Variants in SNRPN observed in about 807,000 individuals in gnomAD.
SNRPN encodes the protein small nuclear ribonucleoprotein-associated protein N.
Under a neutral mutation model 25.2 loss-of-function variants are expected in SNRPN, and 7 were observed. The ratio of observed to expected loss-of-function variants is 0.28; its 90% confidence interval spans 0.16 to 0.52. The LOEUF is 0.52. Ranked by LOEUF, SNRPN falls within the 20% of genes least tolerant of loss-of-function variation. The probability of loss-of-function intolerance (pLI) is 0.96; values close to 1 mark genes in which losing one functional copy is unlikely to be tolerated. For synonymous variants in SNRPN, 124 were observed against 110.6 expected, an observed-to-expected ratio of 1.12 and a Z score of -0.76; for missense variants, 196 against 322.5, an observed-to-expected ratio of 0.61 and a Z score of 3.00.
intron 3 of SNRPN, among the ~76,000 whole-genome samples, chr15:24,973,026 T>C (rs2076626529): frequency 6.6e-6 from 1 of 152,130 alleles, no homozygotes; most frequent in Admixed American, 6.5e-5. Flanking sequence ...TAGCTGGGAT[T>C]ACAGGCGCCT....
At chr15:24,890,688 A>G (rs930673817) in intron 2 of SNRPN, among the ~76,000 whole-genome samples, 1 of 152,106 alleles carries the variant, frequency 6.6e-6, no homozygotes, top group Non-Finnish European at 1.5e-5. Context: ...CAAAAAACAA[A>G]AACAAAAACA....
intron 2 of SNRPN, chr15:24,848,258 G>GGCGGGGGCGGGGGCGGC (rs2052416197): frequency 8.1e-6 from 1 of 124,148 alleles, no homozygotes; most frequent in Non-Finnish European, 1.8e-5. Flanking sequence ...GCGGGGGCGG[G>GGCGGGGGCGGGGGCGGC]GGCGGGGGCG....
At chr15:24,876,212 T>C (rs570428155) in intron 1 of SNRPN, among the ~76,000 whole-genome samples, 15 of 152,064 alleles carry the variant, frequency 9.9e-5, no homozygotes, top group Non-Finnish European at 1.8e-4. Context: ...CTTGTGTACA[T>C]TTTTTTTCCT....
chr15:24,866,295 GAAT>G (rs2054564621), intron 1 of SNRPN, among the ~76,000 whole-genome samples: 1 of 152,066 alleles, frequency 6.6e-6, no homozygotes, highest in Non-Finnish European at 1.5e-5. Flanking sequence ...CATGAGGTTT[GAAT>G]AATAATGTGC....
intron 1 of SNRPN, among the ~76,000 whole-genome samples, chr15:24,955,546 C>A (rs575714635): frequency 1.4e-5 from 2 of 143,378 alleles, no homozygotes; most frequent in Non-Finnish European, 3.0e-5. Context: ...GGGTGTTGAG[C>A]GCAGGTAGGT....
intron 4 of SNRPN, 63 bp from the exon 5 acceptor site, chr15:24,975,295 G>A: frequency 7.5e-7 from 1 of 1,334,916 alleles, no homozygotes; most frequent in Non-Finnish European, 1.1e-6. Context: ...AGAAGAAACA[G>A]GAGAAGATTA....
In SNRPN at chr15:24,908,052, CAAAAAAAAAAAAAAA is replaced by C. The variant is rs71127014; in HGVS notation, c.-504-11947_-504-11933del. Among the ~76,000 whole-genome samples, 215 of 70,722 alleles carry C rather than the reference CAAAAAAAAAAAAAAA, an allele frequency of 3.0e-3. 1 individual carries two copies. The highest frequency in any genetic ancestry group is 0.012 in the African/African-American group (213 of 17,414). The allele number at this position is 70,722 out of a possible 152,430, so 46.4% of individuals were successfully genotyped here. On this transcript the variant is annotated intron_variant, in intron 2 of 11. Coordinates refer to the SNRPN transcript ENST00000400097. ...TGGGCAACAGAGCTAGACTCCATCT[CAAAAAAAAAAAAAAA>C]AAAAAAAAAAAGAATAAGAAAGAAA...
chr15:24,869,263 T>C (rs1326991184), intron 1 of SNRPN, among the ~76,000 whole-genome samples: 2 of 152,180 alleles, frequency 1.3e-5, no homozygotes, highest in Non-Finnish European at 2.9e-5. Context: ...AGTTTAGATA[T>C]ACACAGCAGT....
intron 2 of SNRPN, among the ~76,000 whole-genome samples, chr15:24,905,442 G>T (rs2151813478): frequency 6.6e-6 from 1 of 151,720 alleles, no homozygotes; most frequent in African/African-American, 2.4e-5. Flanking sequence ...CCGGGAGGCG[G>T]AGGTGGCAGT....
At chr15:24,859,809 TC>T (rs930995654) in intron 1 of SNRPN, among the ~76,000 whole-genome samples, 1 of 152,194 alleles carries the variant, frequency 6.6e-6, no homozygotes, top group African/African-American at 2.4e-5. Flanking sequence ...TATCCATGCC[TC>T]CCCTTTTTAG....
chr15:24,956,683 C>T (rs778894678), intron 1 of SNRPN, among the ~76,000 whole-genome samples: 2 of 152,158 alleles, frequency 1.3e-5, no homozygotes, highest in Non-Finnish European at 2.9e-5. Context: ...TGTTCCTTTC[C>T]GGTTGTGGCG....
At chr15:24,902,354 G>A (rs1028734699) in intron 2 of SNRPN, among the ~76,000 whole-genome samples, 4 of 152,080 alleles carry the variant, frequency 2.6e-5, no homozygotes. Context: ...CTATCTAGAG[G>A]AAGAAAATTA....
chr15:24,919,430 C>CA (rs59552412), intron 2 of SNRPN, among the ~76,000 whole-genome samples: 71,621 of 128,084 alleles, frequency 0.56, 19,091 homozygotes, highest in African/African-American at 0.62. Flanking sequence ...GACTCTGTCT[C>CA]AAAAAAAAAA....
intron 1 of SNRPN, among the ~76,000 whole-genome samples, chr15:24,826,423 G>A (rs1284264606): frequency 1.3e-5 from 2 of 152,080 alleles, no homozygotes; most frequent in African/African-American, 4.8e-5. Context: ...AGGTATCACT[G>A]TGCTCATTGC....
chr15:24,835,107 C>CTA (rs199967194), intron 2 of SNRPN, among the ~76,000 whole-genome samples: 27,979 of 36,254 alleles, frequency 0.77, 11,008 homozygotes, highest in South Asian at 0.84. Flanking sequence ...GATATATATA[C>CTA]TATATATCTA....
intron 2 of SNRPN, among the ~76,000 whole-genome samples, chr15:24,832,802 G>A (rs551327319): frequency 3.9e-5 from 6 of 151,948 alleles, no homozygotes; most frequent in East Asian, 1.9e-4. Flanking sequence ...GATGATGAAC[G>A]TAGAACTCAA....
At chr15:24,930,590 C>CAAAAAAA (rs67708507) in intron 3 of SNRPN, among the ~76,000 whole-genome samples, 29 of 98,350 alleles carry the variant, frequency 2.9e-4, no homozygotes, top group Admixed American at 3.9e-4. Flanking sequence ...TACAAAAATA[C>CAAAAAAA]AAAAAAAAAA....
At chr15:24,913,435 G>C (rs2059336836) in intron 2 of SNRPN, among the ~76,000 whole-genome samples, 1 of 152,064 alleles carries the variant, frequency 6.6e-6, no homozygotes, top group Non-Finnish European at 1.5e-5. Context: ...TTGAGGTCAG[G>C]AGTTTGAGAC....
chr15:24,930,719 G>A (rs2060782607), intron 3 of SNRPN, among the ~76,000 whole-genome samples: 1 of 151,856 alleles, frequency 6.6e-6, no homozygotes, highest in African/African-American at 2.4e-5. Flanking sequence ...GGCCAACATG[G>A]TGAAACCCCG....
Sources: allele counts gnomAD v4.1 joint callset (sites outside exome capture counted in the v4.1 genomes callset), GRCh38; gene constraint gnomAD v4.1.1; transcripts MANE v1.5; gene names NCBI Gene and HGNC (gene_info 2026-07-23, HGNC 2026-07-21).